SPIRE1: variants seen among roughly 807,000 people sequenced by gnomAD.
The protein encoded by SPIRE1 is spire type actin nucleation factor 1, also known as protein spire homolog 1.
In SPIRE1, 40 loss-of-function variants were observed where a neutral mutation model predicts 94.1. That is an observed-to-expected ratio of 0.43 (90% CI 0.33 to 0.55). The LOEUF (loss-of-function observed/expected upper bound fraction) is 0.55, where lower values mean the gene tolerates loss of function less well. SPIRE1 is among the 20% of genes least tolerant of loss of function. The pLI is 0.06. For missense variants in SPIRE1, 838 were observed against 975.2 expected, an observed-to-expected ratio of 0.86 and a Z score of 1.87; for synonymous variants, 376 against 371.7, an observed-to-expected ratio of 1.01 and a Z score of -0.13.
intron 2 of SPIRE1, among the ~76,000 whole-genome samples, chr18:12,614,096 CA>C (rs1411269342): frequency 6.6e-6 from 1 of 151,968 alleles, no homozygotes; most frequent in African/African-American, 2.4e-5. Flanking sequence ...TCTAACTCTA[CA>C]AAAAATAAAA....
At chr18:12,476,960 C>A (rs922707166) in intron 10 of SPIRE1, among the ~76,000 whole-genome samples, 1 of 152,158 alleles carries the variant, frequency 6.6e-6, no homozygotes, top group Non-Finnish European at 1.5e-5. Context: ...GAATCCAGAT[C>A]TCACATTTCT....
chr18:12,510,512 G>A (rs2034001751), intron 5 of SPIRE1, among the ~76,000 whole-genome samples: 1 of 151,384 alleles, frequency 6.6e-6, no homozygotes, highest in South Asian at 2.1e-4. Context: ...ATCCTAAAAT[G>A]TGCCTTCCCC....
chr18:12,449,581 G>C lies in SPIRE1; in HGVS notation c.*57C>G. 6.4e-7 allele frequency: 1 copy of C among 1,554,204 alleles called. No homozygotes were observed. The highest frequency in any genetic ancestry group is 8.7e-7 in the Non-Finnish European group (1 of 1,146,990). ...CAGAAAGGAGAGCCAGCCCGGCTCA[G>C]TGTCCTCGCGCACGGACGCTGACTC... On this transcript the variant is annotated 3_prime_UTR_variant, in exon 17 of 17. Coordinates refer to ENST00000409402, the MANE Select transcript of SPIRE1 (RefSeq NM_001128626.2).
intron 6 of SPIRE1, among the ~76,000 whole-genome samples, chr18:12,498,760 G>A (rs1027027205): frequency 6.6e-6 from 1 of 152,116 alleles, no homozygotes; most frequent in Non-Finnish European, 1.5e-5. Context: ...CTGAGTAGCT[G>A]GGACTACAGG....
chr18:12,552,330 C>T (rs1047797143), intron 2 of SPIRE1, among the ~76,000 whole-genome samples: 9 of 152,158 alleles, frequency 5.9e-5, no homozygotes, highest in Admixed American at 2.6e-4. Context: ...AGAGTACTTG[C>T]ACTATCCCTC....
intron 2 of SPIRE1, among the ~76,000 whole-genome samples, chr18:12,591,120 T>C (rs760949597): frequency 6.6e-6 from 1 of 152,168 alleles, no homozygotes; most frequent in Non-Finnish European, 1.5e-5. Flanking sequence ...ATTAGGGTAG[T>C]AGTTTGCAGT....
chr18:12,485,162 T>C (rs539003951), intron 9 of SPIRE1, among the ~76,000 whole-genome samples: 1 of 150,648 alleles, frequency 6.6e-6, no homozygotes, highest in Admixed American at 6.7e-5. Flanking sequence ...TGATGTTCAG[T>C]GGCGCGATCT....
At chr18:12,458,894 G>A (rs1263806066) in intron 12 of SPIRE1, among the ~76,000 whole-genome samples, 1 of 152,128 alleles carries the variant, frequency 6.6e-6, no homozygotes, top group African/African-American at 2.4e-5. Flanking sequence ...TATTTACATT[G>A]AGTCTCCTTT....
chr18:12,644,662 G>C (rs1168700099), intron 1 of SPIRE1, among the ~76,000 whole-genome samples: 1 of 152,130 alleles, frequency 6.6e-6, no homozygotes, highest in Non-Finnish European at 1.5e-5. Context: ...GGCAACAAAG[G>C]TCTAATCACA....
intron 2 of SPIRE1, among the ~76,000 whole-genome samples, chr18:12,625,869 C>A (rs1830304847): frequency 6.6e-6 from 1 of 151,536 alleles, no homozygotes; most frequent in African/African-American, 2.4e-5. Context: ...ATGGTGAAAC[C>A]CCGTCTCTAC....
chr18:12,537,801 G>A (rs2034885813), intron 3 of SPIRE1, among the ~76,000 whole-genome samples: 1 of 152,124 alleles, frequency 6.6e-6, no homozygotes, highest in South Asian at 2.1e-4. Flanking sequence ...AACCAAGGAG[G>A]TGTAAGACTT....
chr18:12,457,074 G>T (rs1245876924), intron 12 of SPIRE1, among the ~76,000 whole-genome samples: 1 of 152,132 alleles, frequency 6.6e-6, no homozygotes, highest in Non-Finnish European at 1.5e-5. Flanking sequence ...CAAGTGATCT[G>T]CCAGCCTCAG....
chr18:12,496,153 T>C (rs2033451264), intron 6 of SPIRE1, 51 bp from the exon 7 acceptor site: 2 of 1,300,344 alleles, frequency 1.5e-6, no homozygotes, highest in Non-Finnish European at 1.1e-6. Flanking sequence ...AAGACTATCA[T>C]GAATTTCTGG....
intron 10 of SPIRE1, among the ~76,000 whole-genome samples, chr18:12,475,817 A>G (rs1040396376): frequency 3.9e-5 from 6 of 152,228 alleles, no homozygotes; most frequent in Non-Finnish European, 7.3e-5. Context: ...AGCTCCTCTC[A>G]TCAAAGGGAG....
intron 2 of SPIRE1, among the ~76,000 whole-genome samples, chr18:12,576,530 C>G (rs193063057): frequency 7.3e-6 from 1 of 137,028 alleles, no homozygotes; most frequent in African/African-American, 2.8e-5. Flanking sequence ...TGAGGTGAGC[C>G]GAGATCGTGC....
intron 2 of SPIRE1, among the ~76,000 whole-genome samples, chr18:12,556,088 A>T (rs1413330355): frequency 3.3e-5 from 5 of 152,132 alleles, no homozygotes; most frequent in Non-Finnish European, 7.4e-5. Context: ...CAAAAAAAAA[A>T]TACCTAGGAA....
chr18:12,631,575 A>AC (rs2037782305), intron 2 of SPIRE1, among the ~76,000 whole-genome samples: 2 of 139,174 alleles, frequency 1.4e-5, no homozygotes, highest in Admixed American at 7.3e-5. Flanking sequence ...AAAAAAAAAA[A>AC]CATAAAAATA....
Position 12,506,550 on chromosome 18 carries a change from T to C in SPIRE1, c.899A>G (p.Glu300Gly). The C allele has an allele frequency of 6.2e-7, 1 of 1,614,056 alleles. No individual in the cohort carries two copies. Among genetic ancestry groups the C allele is most frequent in the Non-Finnish European group, 8.5e-7 (1 of 1,179,962 alleles). The change falls in exon 6 of 17, where the codon GAA becomes GGA. Residue 300 changes from glutamate to glycine, a missense_variant. Physicochemically the swap from Glu to Gly is moderately conservative, Grantham distance 98. Coordinates refer to ENST00000409402, the MANE Select transcript of SPIRE1 (RefSeq NM_001128626.2). ...CATCTCATAAGGGGTGAGCTGATAT[T>C]CAATGGGCAAAGGGTTGTACTGCCG... ...QERQYNPLPI[E>G]YQLTPYEMLM...
At chr18:12,551,695 C>A (rs2035354699) in intron 2 of SPIRE1, among the ~76,000 whole-genome samples, 2 of 151,234 alleles carry the variant, frequency 1.3e-5, no homozygotes, top group African/African-American at 2.4e-5. Context: ...GAGCGAGACT[C>A]CGTCTCAGAA....
Sources: gnomAD v4.1 joint callset for allele counts (sites outside exome capture counted in the v4.1 genomes callset) on GRCh38, gnomAD v4.1.1 for gene constraint, MANE v1.5 for transcripts, NCBI Gene and HGNC (gene_info 2026-07-23, HGNC 2026-07-21) for gene names.